Variants in TNRC6C observed in about 807,000 individuals in gnomAD.
TNRC6C encodes trinucleotide repeat containing adaptor 6C, also known as trinucleotide repeat-containing gene 6C protein.
TNRC6C carries 20 observed loss-of-function variants against 153.7 expected under a neutral mutation model. The ratio of observed to expected loss-of-function variants is 0.13; its 90% CI spans 0.09 to 0.19. TNRC6C has a LOEUF of 0.19. Ranked by LOEUF, TNRC6C falls within the 10% of genes least tolerant of loss-of-function variation. The pLI, the probability that TNRC6C is intolerant of heterozygous loss-of-function variation, is 1.00. For synonymous variants in TNRC6C, 811 were observed against 841.4 expected, an observed-to-expected ratio of 0.96 and a Z score of 0.63; for missense variants, 1,987 against 2,172.0, an observed-to-expected ratio of 0.91 and a Z score of 1.69.
At chr17:78,025,905 G>A (rs2071933246) in intron 1 of TNRC6C, among the ~76,000 whole-genome samples, 1 of 152,210 alleles carries the variant, frequency 6.6e-6, no homozygotes, top group African/African-American at 2.4e-5. Flanking sequence ...TGCATGTCAT[G>A]TTCTCTGGGC....
chr17:78,077,399 G>A, intron 9 of TNRC6C, 65 bp downstream of exon 11: 1 of 1,541,804 alleles, frequency 6.5e-7, no homozygotes, highest in African/African-American at 1.4e-5. Context: ...AAATGTGTTT[G>A]AGACATAAAC....
chr17:78,031,995 AT>A (rs2072085014), intron 2 of TNRC6C, among the ~76,000 whole-genome samples, 153 bp downstream of exon 4: 1 of 152,214 alleles, frequency 6.6e-6, no homozygotes, highest in South Asian at 2.1e-4. Flanking sequence ...GGGTTTTAAA[AT>A]TTAATTGTGT....
chr17:78,023,420 C>T (rs986492632), intron 1 of TNRC6C, among the ~76,000 whole-genome samples: 20 of 152,198 alleles, frequency 1.3e-4, no homozygotes, highest in African/African-American at 4.3e-4. Context: ...CCTGCTCCTC[C>T]TCCTCCTCCT....
chr17:78,098,240 G>A (rs796676635), intron 16 of TNRC6C, 103 bp from the exon 20 acceptor site: 2 of 1,131,426 alleles, frequency 1.8e-6, no homozygotes, highest in South Asian at 1.7e-5. Flanking sequence ...CTATCACACA[G>A]TCTGCTGGTG....
At chr17:78,059,408 A>G (rs184012642) in intron 3 of TNRC6C, among the ~76,000 whole-genome samples, 81 of 152,240 alleles carry the variant, frequency 5.3e-4, no homozygotes, top group Middle Eastern at 3.4e-3. Flanking sequence ...TTCAGCAAGG[A>G]CTGGGGAGTT....
intron 1 of TNRC6C, among the ~76,000 whole-genome samples, chr17:78,030,803 G>T (rs2072056477): frequency 6.6e-6 from 1 of 152,132 alleles, no homozygotes; most frequent in African/African-American, 2.4e-5. Flanking sequence ...GTAATTGTTA[G>T]AAATGCAAAT....
At chr17:78,039,415 T>C (rs754181598) in intron 2 of TNRC6C, among the ~76,000 whole-genome samples, 1 of 151,548 alleles carries the variant, frequency 6.6e-6, no homozygotes. Context: ...GGCAGAAGCT[T>C]CATTGGTTTT....
Position 78,072,202 on chromosome 17 carries a change from C to T in TNRC6C, c.2860-835C>T, listed in dbSNP as rs1487978039. ...CCCAGGCTCTGCCTGTGTGAGTGGG[C>T]AAGAGGTTGACGGTGGCTTCAGCGT... On this transcript the variant is annotated intron_variant, in intron 6 of 19. Coordinates refer to ENST00000301624, the Ensembl canonical transcript of TNRC6C. 3.3e-5 allele frequency among the ~76,000 whole-genome samples: 5 copies of T among 152,204 alleles called. 1 individual carries two copies. Among genetic ancestry groups the T allele is most frequent in the Non-Finnish European group, 7.3e-5 (5 of 68,032 alleles).
At chr17:78,076,046 G>A (rs1259368277) in intron 8 of TNRC6C, among the ~76,000 whole-genome samples, 3 of 151,800 alleles carry the variant, frequency 2.0e-5, no homozygotes, top group Non-Finnish European at 2.9e-5. Flanking sequence ...GTGAAACCCC[G>A]TCTCTACTAA....
At chr17:78,057,780 A>G (rs1038427646) in intron 3 of TNRC6C, among the ~76,000 whole-genome samples, 1 of 152,144 alleles carries the variant, frequency 6.6e-6, no homozygotes, top group African/African-American at 2.4e-5. Flanking sequence ...ACTTAAGGGT[A>G]TTGATCTCTC....
Position 78,075,551 on chromosome 17 carries a change from A to C in TNRC6C, c.3060+273A>C, listed in dbSNP as rs1489100927. Among the ~76,000 whole-genome samples the C allele has an allele frequency of 1.3e-5, 2 of 152,206 alleles. No individual in the cohort carries two copies. Among genetic ancestry groups the C allele is most frequent in the African/African-American group, 4.8e-5 (2 of 41,444 alleles). On this transcript the variant is annotated intron_variant, in intron 8 of 19. Coordinates refer to ENST00000301624, the Ensembl canonical transcript of TNRC6C. The surrounding 1 kb of genome is among the most constrained non-coding windows in gnomAD (Gnocchi z 4.2). ...GCTGGTTATCTGCTTCAATTTGTCC[A>C]ATGGGCAAGGGTCATCAAATTTCCA...
chr17:78,072,267 C>T (rs985550564), intron 6 of TNRC6C, among the ~76,000 whole-genome samples: 7 of 152,172 alleles, frequency 4.6e-5, no homozygotes, highest in Non-Finnish European at 7.3e-5. Flanking sequence ...GGCACCCTAG[C>T]GGCTTCAGTC....
chr17:77,986,968 A>C (rs575416908), intron 1 of TNRC6C, among the ~76,000 whole-genome samples: 1 of 152,350 alleles, frequency 6.6e-6, no homozygotes, highest in East Asian at 1.9e-4. Flanking sequence ...GAGAATAAAA[A>C]GAGCTAATTT....
intron 12 of TNRC6C, 21 bp downstream of exon 14, chr17:78,086,607 T>C (rs1322739291): frequency 1.2e-6 from 2 of 1,611,292 alleles, no homozygotes; most frequent in Non-Finnish European, 1.7e-6. Flanking sequence ...CCCAGATTGA[T>C]TTTTGTCATG....
intron 3 of TNRC6C, among the ~76,000 whole-genome samples, chr17:78,058,930 G>A (rs1359343117): frequency 3.9e-5 from 6 of 152,206 alleles, no homozygotes; most frequent in Admixed American, 2.6e-4. Context: ...AAAACCAGAG[G>A]TTGTGTGCAT....
chr17:78,029,281 GTT>G (rs1230567685), intron 1 of TNRC6C, among the ~76,000 whole-genome samples: 6 of 152,138 alleles, frequency 3.9e-5, no homozygotes, highest in African/African-American at 1.4e-4. Context: ...CCGTTAGGCT[GTT>G]TTGTCATTGT....
Position 78,075,049 on chromosome 17 carries a change from C to T in TNRC6C, c.2918-87C>T. On this transcript the variant is annotated intron_variant, in intron 7 of 19. Coordinates refer to ENST00000301624, the Ensembl canonical transcript of TNRC6C. The surrounding 1 kb of genome is among the most constrained non-coding windows in gnomAD (Gnocchi z 4.2). The stretch of plus-strand genomic sequence containing the variant: ...TTTGAAGGGGTGGAGGGTCTCCATC[C>T]CTCCTTGAGGCCTTAGCTGGTGCCT... The T allele has an allele frequency of 3.3e-6, 5 of 1,513,386 alleles. No homozygotes were observed. Among genetic ancestry groups the T allele is most frequent in the African/African-American group, 1.4e-5 (1 of 72,830 alleles). 93.7% of individuals were successfully genotyped at this position (1,513,386 alleles called of 1,614,324 possible).
At chr17:78,029,612 T>TA (rs1212063945) in intron 1 of TNRC6C, among the ~76,000 whole-genome samples, 5 of 152,188 alleles carry the variant, frequency 3.3e-5, no homozygotes, top group African/African-American at 1.2e-4. Flanking sequence ...ACACTAAACT[T>TA]ACTTAAAAAA....
At chr17:78,066,489 C>A (rs577081871) in intron 4 of TNRC6C, 1 of 152,104 alleles carries the variant, frequency 6.6e-6, no homozygotes, top group East Asian at 1.9e-4. Flanking sequence ...TAGATTCATG[C>A]GCCATTTTGA....
Sources: gnomAD v4.1 joint callset for allele counts (sites outside exome capture counted in the v4.1 genomes callset) on GRCh38, gnomAD v4.1.1 for gene constraint, Gnocchi (gnomAD v3.1) non-coding constraint, MANE v1.5 for transcripts, NCBI Gene and HGNC (gene_info 2026-07-23, HGNC 2026-07-21) for gene names.